The following LSAMP variants were observed in gnomAD, a reference collection of about 807,000 sequenced individuals.
The protein encoded by LSAMP is limbic system-associated membrane protein.
Under a neutral mutation model 38.6 loss-of-function variants are expected in LSAMP, and 7 were observed. That is an observed-to-expected ratio of 0.18 (90% CI 0.10 to 0.34). LSAMP has a LOEUF of 0.34. Ranked by LOEUF, LSAMP falls within the 10% of genes least tolerant of loss-of-function variation. The pLI is 1.00. For synonymous variants in LSAMP, 154 were observed against 166.8 expected (o/e 0.92, Z 0.59); for missense variants, 313 against 420.0 (o/e 0.75, Z 2.23).
intron 3 of LSAMP, among the ~76,000 whole-genome samples, chr3:115,885,624 T>A (rs536402406): frequency 1.6e-4 from 19 of 120,202 alleles, no homozygotes; most frequent in African/African-American, 6.2e-4. Flanking sequence ...AAACAACTTT[T>A]GTGTGTGTGG....
At chr3:116,161,890 C>G (rs755152344) in intron 1 of LSAMP, among the ~76,000 whole-genome samples, 2 of 151,814 alleles carry the variant, frequency 1.3e-5, no homozygotes, top group African/African-American at 4.8e-5. Flanking sequence ...AACGCAGAGA[C>G]AAAAACACAC....
chr3:116,127,724 TAGAC>T, intron 1 of LSAMP, among the ~76,000 whole-genome samples: 1 of 138,412 alleles, frequency 7.2e-6, no homozygotes. Flanking sequence ...TTTTTTTTGG[TAGAC>T]CTGTTGGATC....
chr3:116,111,287 C>G (rs1708608993), intron 1 of LSAMP, among the ~76,000 whole-genome samples: 1 of 152,156 alleles, frequency 6.6e-6, no homozygotes, highest in Non-Finnish European at 1.5e-5. Flanking sequence ...TCCGGACTGC[C>G]AGAATCAAAC....
intron 3 of LSAMP, among the ~76,000 whole-genome samples, chr3:115,923,974 AT>A (rs923023863): frequency 2.0e-5 from 3 of 151,240 alleles, no homozygotes; most frequent in Admixed American, 1.3e-4. Context: ...CATGATGCCT[AT>A]TTTTTTTTCT....
Position 115,808,068 on chromosome 3 carries a change from GCCTTCCTTTCCTTTCTCCTT to G in LSAMP, c.*2229_*2248del, listed in dbSNP as rs1933670885. 7.2e-6 allele frequency: 1 copy of G among 138,050 alleles called. No individual in the cohort carries two copies. Among genetic ancestry groups the G allele is most frequent in the Admixed American group, 7.5e-5 (1 of 13,348 alleles). The allele number at this position is 138,050 out of a possible 1,614,324, so 8.6% of individuals were successfully genotyped here. A position where few individuals can be genotyped will look rare whatever the true frequency, so the allele number is the denominator to read the frequency against. ...TGCTACTTAGATCTTTCTCCCTCCT[GCCTTCCTTTCCTTTCTCCTT>G]CCTTCCTTCCTTCCTTCCTTCCTCC... On this transcript the variant is annotated 3_prime_UTR_variant, in exon 7 of 7. Coordinates refer to ENST00000490035, the MANE Select transcript of LSAMP (RefSeq NM_002338.5).
intron 6 of LSAMP, 106 bp downstream of exon 6, chr3:115,841,739 T>C: frequency 1.2e-5 from 17 of 1,374,738 alleles, no homozygotes; most frequent in Non-Finnish European, 1.2e-5. Context: ...TATATCCTTA[T>C]TTGTTTTTAA....
intron 1 of LSAMP, among the ~76,000 whole-genome samples, chr3:116,439,746 C>A (rs1387236099): frequency 6.6e-6 from 1 of 152,288 alleles, no homozygotes; most frequent in Middle Eastern, 3.4e-3. Context: ...ATTTTTGAGA[C>A]GGAGTCTCGC....
At chr3:116,418,869 C>T (rs2049085908) in intron 1 of LSAMP, among the ~76,000 whole-genome samples, 1 of 152,158 alleles carries the variant, frequency 6.6e-6, no homozygotes, top group Non-Finnish European at 1.5e-5. Context: ...CAGGTTTACC[C>T]CTTCGCTCAT....
intron 3 of LSAMP, among the ~76,000 whole-genome samples, chr3:115,876,738 A>G (rs1936189499): frequency 6.6e-6 from 1 of 151,730 alleles, no homozygotes; most frequent in African/African-American, 2.4e-5. Flanking sequence ...CTTTCATTCT[A>G]TTTTTTTCTT....
chr3:116,131,043 T>C (rs1402320106), intron 1 of LSAMP, among the ~76,000 whole-genome samples: 5 of 142,964 alleles, frequency 3.5e-5, no homozygotes, highest in Non-Finnish European at 7.5e-5. Context: ...CAGGCTGGAG[T>C]GCAGTGGCAC....
intron 2 of LSAMP, among the ~76,000 whole-genome samples, chr3:116,061,911 A>G (rs933560543): frequency 9.2e-5 from 14 of 152,228 alleles, no homozygotes; most frequent in Admixed American, 5.9e-4. Flanking sequence ...TGCTATTTCC[A>G]TAATCTATTT....
intron 3 of LSAMP, among the ~76,000 whole-genome samples, chr3:115,882,358 A>G (rs1021592041): frequency 1.3e-5 from 2 of 152,104 alleles, no homozygotes; most frequent in Non-Finnish European, 2.9e-5. Flanking sequence ...TTTTATAAAT[A>G]AGACAATCTT....
intron 1 of LSAMP, among the ~76,000 whole-genome samples, chr3:116,425,874 A>C (rs1447423036): frequency 1.7e-4 from 5 of 29,030 alleles, no homozygotes; most frequent in Admixed American, 4.5e-4. Context: ...ATCCTAAAGC[A>C]AAAAAAAAAA....
At chr3:116,222,425 A>G (rs1334262024) in intron 1 of LSAMP, among the ~76,000 whole-genome samples, 2 of 152,162 alleles carry the variant, frequency 1.3e-5, no homozygotes, top group Non-Finnish European at 2.9e-5. Flanking sequence ...CCTTCAGGGC[A>G]TGAACACATT....
chr3:115,983,398 C>A (rs1196513366), intron 3 of LSAMP, among the ~76,000 whole-genome samples: 1 of 151,980 alleles, frequency 6.6e-6, no homozygotes, highest in African/African-American at 2.4e-5. Context: ...TGGTGCACAC[C>A]TGTAGTCCCA....
At chr3:116,417,185 C>T (rs1487825203) in intron 1 of LSAMP, among the ~76,000 whole-genome samples, 1 of 152,148 alleles carries the variant, frequency 6.6e-6, no homozygotes, top group African/African-American at 2.4e-5. Flanking sequence ...AGAGAAAAGA[C>T]ATCTTTATCC....
At chr3:116,210,115 C>A (rs1440138254) in intron 1 of LSAMP, among the ~76,000 whole-genome samples, 1 of 152,000 alleles carries the variant, frequency 6.6e-6, no homozygotes, top group African/African-American at 2.4e-5. Context: ...AAATAATGTG[C>A]CTTTGGCATT....
At position 115,818,051 on chromosome 3, in the gene LSAMP, G is replaced by A. The variant is rs147795864; in HGVS notation, c.920-7637C>T. On this transcript the variant is annotated intron_variant, in intron 6 of 6. Transcript: ENST00000490035. ...ACTGAGGCCCAGAGAGGTCATTTGC[G>A]AAGTGAGAGGCAAAGCTGAGACTGA... Among the ~76,000 whole-genome samples, 165 of 152,248 alleles carry A rather than the reference G, an allele frequency of 1.1e-3. 1 individual carries two copies. The highest frequency in any genetic ancestry group is 3.5e-3 in the African/African-American group (144 of 41,546).
intron 1 of LSAMP, among the ~76,000 whole-genome samples, chr3:116,272,558 T>C (rs1003561049): frequency 2.0e-5 from 3 of 152,314 alleles, no homozygotes; most frequent in Non-Finnish European, 2.9e-5. Context: ...CTAATTCGTC[T>C]TGACTATTTT....
Sources: gnomAD v4.1 joint callset for allele counts (sites outside exome capture counted in the v4.1 genomes callset) on GRCh38, gnomAD v4.1.1 for gene constraint, MANE v1.5 for transcripts, NCBI Gene and HGNC (gene_info 2026-07-23, HGNC 2026-07-21) for gene names.